The following FBXO31 variants were observed in gnomAD, a reference collection of about 807,000 sequenced individuals.
FBXO31 encodes the protein F-box only protein 31.
Under a neutral mutation model 54.4 loss-of-function variants are expected in FBXO31, and 24 were observed. The ratio of observed to expected loss-of-function variants is 0.44; its 90% CI spans 0.32 to 0.62. FBXO31 has a LOEUF of 0.62. Among genes scored for constraint, FBXO31 ranks in the 20% least tolerant of loss-of-function variants. The pLI is 0.05. For missense variants in FBXO31, 665 were observed against 787.1 expected (o/e 0.84, Z 1.86); for synonymous variants, 388 against 335.6 (o/e 1.16, Z -1.71).
upstream of FBXO31, among the ~76,000 whole-genome samples, chr16:87,390,782 G>A (rs1230382957): frequency 6.6e-6 from 1 of 151,852 alleles, no homozygotes; most frequent in African/African-American, 2.4e-5. Context: ...TTTTTGTGGA[G>A]GACGGGGTCT....
chr16:87,357,709 C>A (rs1905958090), intron 2 of FBXO31, among the ~76,000 whole-genome samples: 1 of 152,086 alleles, frequency 6.6e-6, no homozygotes, highest in Admixed American at 6.5e-5. Context: ...CTCTGGGAGG[C>A]CGAGATGGGC....
Position 87,389,072 on chromosome 16 carries a change from C to G in FBXO31, c.-177+665G>C, listed in dbSNP as rs576552237. Among the ~76,000 whole-genome samples the G allele has an allele frequency of 3.0e-4, 46 of 152,116 alleles. No homozygotes were observed. In the South Asian group the frequency reaches 9.5e-3, roughly 32 times the overall value. Reference sequence around the variant, plus strand: ...TCACATGAAATGTTTCATAAATACTCAAGCACACTTATGCTTCCAAAAGTT... The same window carrying G: ...TCACATGAAATGTTTCATAAATACTGAAGCACACTTATGCTTCCAAAAGTT... On this transcript the variant is annotated intron_variant, in intron 1 of 8. Coordinates refer to the FBXO31 transcript ENST00000618298.
At chr16:87,331,886 A>G (rs1274331937) in intron 8 of FBXO31, among the ~76,000 whole-genome samples, 1 of 152,176 alleles carries the variant, frequency 6.6e-6, no homozygotes, top group Non-Finnish European at 1.5e-5. Flanking sequence ...TCCAAAACAC[A>G]CATTTCATAA....
chr16:87,369,441 T>C (rs989500967), intron 1 of FBXO31, among the ~76,000 whole-genome samples: 3 of 152,248 alleles, frequency 2.0e-5, no homozygotes, highest in Non-Finnish European at 4.4e-5. Flanking sequence ...CATGCCGTAC[T>C]TGTCCTTTGG....
rs1904965110 is a variant in FBXO31 at position 87,334,156 on chromosome 16, C to CT, written c.1126dup (p.Arg376LysfsTer47). ...GCCTTCCTGCTGCTCCTGGCGCACC[C>CT]TCTCGCGCACCTCCAGGACGATGCG... On this transcript the variant is annotated frameshift_variant, in exon 8 of 9. Coordinates refer to ENST00000311635, the MANE Select transcript of FBXO31 (RefSeq NM_024735.5). LOFTEE classifies it high-confidence loss of function. 6.2e-7 allele frequency: 1 copy of CT among 1,612,496 alleles called. No homozygotes were observed. Among genetic ancestry groups the CT allele is most frequent in the Admixed American group, 1.7e-5 (1 of 59,978 alleles).
At chr16:87,378,953 C>G (rs975823523) in intron 1 of FBXO31, among the ~76,000 whole-genome samples, 1 of 146,188 alleles carries the variant, frequency 6.8e-6, no homozygotes, top group African/African-American at 2.5e-5. Context: ...CAAAGCAAGA[C>G]TCCATCTCAA....
rs562735049 is a variant in FBXO31 at position 87,335,973 on chromosome 16, G to A, written c.842+182C>T. Among the ~76,000 whole-genome samples the A allele has an allele frequency of 1.1e-4, 17 of 152,130 alleles. No homozygotes were observed. The highest frequency in any genetic ancestry group is 2.2e-4 in the Non-Finnish European group (15 of 67,976). Reference sequence around the variant, plus strand: ...TGTTCCAAGTACCCACAGAAAGAGCGAACTATGCTCCAAGCACCCAGAGAG... The same window carrying A: ...TGTTCCAAGTACCCACAGAAAGAGCAAACTATGCTCCAAGCACCCAGAGAG... On this transcript the variant is annotated intron_variant, in intron 6 of 8. Coordinates refer to ENST00000311635, the MANE Select transcript of FBXO31 (RefSeq NM_024735.5). This position sits in a 1 kb window ranked among gnomAD's most constrained non-coding sequence, Gnocchi z 5.7.
In FBXO31 at chr16:87,335,219, A is replaced by G; in HGVS notation, c.996+85T>C. ...CTGAGGAGCAAGGGTGCCGGGGATC[A>G]GTGTCTGCCCAAGTTCCCTGACTCC... is the stretch of plus-strand genomic sequence containing the variant. On this transcript the variant is annotated intron_variant, in intron 7 of 8. Transcript: ENST00000311635. This position sits in a 1 kb window ranked among gnomAD's most constrained non-coding sequence, Gnocchi z 5.7. 1.3e-6 allele frequency: 2 copies of G among 1,576,242 alleles called. No homozygotes were observed. Among genetic ancestry groups the G allele is most frequent in the Admixed American group, 1.7e-5 (1 of 59,810 alleles).
upstream of FBXO31, chr16:87,384,155 T>C (rs915508630): frequency 2.0e-5 from 3 of 153,334 alleles, no homozygotes; most frequent in Non-Finnish European, 2.9e-5. Context: ...CTCGCGCCCG[T>C]GCGTCCCGCT....
intron 1 of FBXO31, among the ~76,000 whole-genome samples, chr16:87,381,100 A>G (rs1907056682): frequency 6.6e-6 from 1 of 152,188 alleles, no homozygotes. Flanking sequence ...TGCAAACCAG[A>G]GCAAATGGGT....
intron 2 of FBXO31, among the ~76,000 whole-genome samples, chr16:87,356,454 CGTCCACAGACTCCTGAGAG>C (rs1162958570): frequency 7.0e-4 from 107 of 152,068 alleles, no homozygotes; most frequent in Admixed American, 1.1e-3. Context: ...CCGTGTTCCC[CGTCCACAGACTCCTGAGAG>C]GTCCACAGAC....
At chr16:87,373,606 G>A (rs1240753387) in intron 1 of FBXO31, among the ~76,000 whole-genome samples, 3 of 150,556 alleles carry the variant, frequency 2.0e-5, no homozygotes, top group Non-Finnish European at 4.4e-5. Context: ...CAAGCTCACT[G>A]CAGCCTTGAA....
At chr16:87,381,502 C>T (rs1027066098) in intron 1 of FBXO31, among the ~76,000 whole-genome samples, 1 of 152,208 alleles carries the variant, frequency 6.6e-6, no homozygotes, top group African/African-American at 2.4e-5. Context: ...CAGGATCTCA[C>T]AGCAGATAAA....
intron 2 of FBXO31, among the ~76,000 whole-genome samples, chr16:87,360,019 A>C (rs1726645004): frequency 6.6e-6 from 1 of 152,178 alleles, no homozygotes; most frequent in Non-Finnish European, 1.5e-5. Context: ...AGGAACACCC[A>C]AGTCGCTCTG....
At position 87,336,097 on chromosome 16, in the gene FBXO31, G is replaced by T; in HGVS notation, c.842+58C>A. Reference sequence around the variant, plus strand: ...CCCCAGCACCCACCGGGACAGGGCTGGTCCCCAGCACACACCAGGAGAGGG... The same window carrying T: ...CCCCAGCACCCACCGGGACAGGGCTTGTCCCCAGCACACACCAGGAGAGGG... On this transcript the variant is annotated intron_variant, in intron 6 of 8. Transcript: ENST00000311635. This position sits in a 1 kb window ranked among gnomAD's most constrained non-coding sequence, Gnocchi z 6.5. 1.4e-6 allele frequency: 2 copies of T among 1,463,162 alleles called. No homozygotes were observed. The highest frequency in any genetic ancestry group is 9.5e-7 in the Non-Finnish European group (1 of 1,047,668). The allele number at this position is 1,463,162 out of a possible 1,614,324, so 90.6% of individuals were successfully genotyped here. A position where few individuals can be genotyped will look rare whatever the true frequency, so the allele number is the denominator to read the frequency against.
chr16:87,351,513 C>T (rs962323634), intron 2 of FBXO31, among the ~76,000 whole-genome samples: 17 of 152,142 alleles, frequency 1.1e-4, no homozygotes, highest in African/African-American at 4.1e-4. Flanking sequence ...CCTGCAAGCC[C>T]AGGCCACTTC....
intron 5 of FBXO31, 28 bp downstream of exon 5, chr16:87,342,849 T>G: frequency 6.3e-7 from 1 of 1,579,448 alleles, no homozygotes. Flanking sequence ...CCGCACCATA[T>G]GAACACAGGG....
intron 1 of FBXO31, among the ~76,000 whole-genome samples, chr16:87,369,693 G>T (rs1567484979): frequency 6.6e-6 from 1 of 152,166 alleles, no homozygotes; most frequent in Non-Finnish European, 1.5e-5. Context: ...TACCCAGAAG[G>T]AGACTTTTTA....
chr16:87,365,388 T>C (rs1391244548), intron 1 of FBXO31, among the ~76,000 whole-genome samples: 1 of 152,124 alleles, frequency 6.6e-6, no homozygotes, highest in Non-Finnish European at 1.5e-5. Context: ...TTGTAAACAA[T>C]TAATATTGCC....
Sources: allele counts gnomAD v4.1 joint callset (sites outside exome capture counted in the v4.1 genomes callset), GRCh38; gene constraint gnomAD v4.1.1; non-coding constraint Gnocchi (gnomAD v3.1); transcripts MANE v1.5; gene names NCBI Gene and HGNC (gene_info 2026-07-23, HGNC 2026-07-21).